CSMD2: variants seen among roughly 807,000 people sequenced by gnomAD.
CSMD2 encodes CUB and sushi domain-containing protein 2.
A neutral mutation model predicts 398.5 loss-of-function variants in CSMD2; 130 were observed. The ratio of observed to expected loss-of-function variants is 0.33; its 90% CI spans 0.28 to 0.38. The LOEUF (loss-of-function observed/expected upper bound fraction) is 0.38. Ranked by LOEUF, CSMD2 falls within the 10% of genes least tolerant of loss-of-function variation. CSMD2 has a pLI of 1.00. For synonymous variants in CSMD2, 1,828 were observed against 1,908.5 expected (o/e 0.96, Z 1.10); for missense variants, 3,829 against 4,764.9 (o/e 0.80, Z 5.78).
intron 5 of CSMD2, among the ~76,000 whole-genome samples, chr1:33,848,276 G>C (rs1397235125): frequency 1.3e-5 from 2 of 152,154 alleles, no homozygotes; most frequent in African/African-American, 4.8e-5. Flanking sequence ...CTCCAAACAG[G>C]GGGCTGCATG....
intron 9 of CSMD2, among the ~76,000 whole-genome samples, chr1:33,817,970 G>C (rs1316965906): frequency 6.6e-6 from 1 of 152,210 alleles, no homozygotes; most frequent in Non-Finnish European, 1.5e-5. Context: ...CTGGAGAAAA[G>C]GATGAACACA....
At chr1:33,650,779 T>C (rs1643715534) in intron 28 of CSMD2, among the ~76,000 whole-genome samples, 1 of 152,180 alleles carries the variant, frequency 6.6e-6, no homozygotes, top group African/African-American at 2.4e-5. Context: ...GACACATGCA[T>C]ATCAAGACCC....
chr1:34,000,625 C>A (rs933804620), intron 3 of CSMD2, among the ~76,000 whole-genome samples: 5 of 152,050 alleles, frequency 3.3e-5, no homozygotes, highest in African/African-American at 9.6e-5. Context: ...AGGGAACTAG[C>A]CAGAGAAGTG....
intron 2 of CSMD2, among the ~76,000 whole-genome samples, chr1:34,039,209 C>G (rs1249411342): frequency 6.6e-6 from 1 of 152,174 alleles, no homozygotes; most frequent in Non-Finnish European, 1.5e-5. Context: ...CTGTGGAGGT[C>G]AGGCCTGGCC....
intron 3 of CSMD2, among the ~76,000 whole-genome samples, chr1:33,993,929 C>T (rs544031851): frequency 6.6e-6 from 1 of 152,162 alleles, no homozygotes; most frequent in Non-Finnish European, 1.5e-5. Context: ...ATAAATCTAG[C>T]CCTTTCTTTC....
chr1:34,038,586 GC>G (rs1313555897), intron 2 of CSMD2, among the ~76,000 whole-genome samples: 1 of 152,104 alleles, frequency 6.6e-6, no homozygotes, highest in Non-Finnish European at 1.5e-5. Context: ...TCTACCCACA[GC>G]CTCCCACTGT....
chr1:33,772,498 TG>T (rs1393192242), intron 13 of CSMD2, 70 bp downstream of exon 13: 10 of 1,476,516 alleles, frequency 6.8e-6, no homozygotes, highest in Non-Finnish European at 9.3e-6. Context: ...ACGGGGCCCC[TG>T]GATTAGCTAG....
chr1:33,929,849 G>A (rs576008208), intron 4 of CSMD2, among the ~76,000 whole-genome samples: 17 of 152,068 alleles, frequency 1.1e-4, no homozygotes, highest in South Asian at 2.1e-4. Flanking sequence ...CAGGAATGCC[G>A]TTTTCCAGGT....
At chr1:33,800,645 C>T (rs1191689638) in intron 10 of CSMD2, among the ~76,000 whole-genome samples, 1 of 152,090 alleles carries the variant, frequency 6.6e-6, no homozygotes, top group Non-Finnish European at 1.5e-5. Flanking sequence ...GGGATGAGGG[C>T]TCAAACCAGG....
At chr1:33,998,382 G>A (rs1218408777) in intron 3 of CSMD2, among the ~76,000 whole-genome samples, 1 of 152,154 alleles carries the variant, frequency 6.6e-6, no homozygotes, top group Admixed American at 6.5e-5. Flanking sequence ...CCCAGTTTCA[G>A]GTACTCTGTT....
At chr1:34,140,323 A>G (rs2148522800) in intron 1 of CSMD2, among the ~76,000 whole-genome samples, 1 of 112,858 alleles carries the variant, frequency 8.9e-6, no homozygotes, top group Admixed American at 1.0e-4. Context: ...CAAACAAAAA[A>G]AAACCCAGCG....
chr1:33,672,686 GA>G (rs1390126838), intron 25 of CSMD2, among the ~76,000 whole-genome samples: 1 of 152,202 alleles, frequency 6.6e-6, no homozygotes, highest in Non-Finnish European at 1.5e-5. Flanking sequence ...CCTGACCCCC[GA>G]GTAGCCTAAC....
At chr1:34,055,132 T>G (rs1263242928) in intron 2 of CSMD2, among the ~76,000 whole-genome samples, 1 of 152,076 alleles carries the variant, frequency 6.6e-6, no homozygotes, top group Non-Finnish European at 1.5e-5. Context: ...CCAGCAGTCA[T>G]CCACTCTCTC....
intron 2 of CSMD2, among the ~76,000 whole-genome samples, chr1:34,076,929 AT>A (rs1365327640): frequency 0.026 from 1,227 of 47,096 alleles, 37 homozygotes; most frequent in African/African-American, 0.067. Context: ...AAAAAAAAAA[AT>A]ATATATATAT....
intron 3 of CSMD2, among the ~76,000 whole-genome samples, chr1:33,944,573 A>G (rs1644783535): frequency 6.6e-6 from 1 of 152,198 alleles, no homozygotes; most frequent in South Asian, 2.1e-4. Context: ...CATTTTACCA[A>G]AGAGAGAGTT....
At position 33,542,840 on chromosome 1, in the gene CSMD2, C is replaced by G; in HGVS notation, c.9157G>C (p.Gly3053Arg). ...ACGATAGAGCTGGAGAAAACCAGGCCATCACTGAACACAACTCGGGCATTA... is the reference window on the plus strand; with the variant it reads ...ACGATAGAGCTGGAGAAAACCAGGCGATCACTGAACACAACTCGGGCATTA... ...PSNARVVFSD[G>R]LVFSSSIVYE... is the part of the protein sequence containing the mutation. Residue 3053 changes from glycine to arginine, a missense_variant, in exon 58 of 71, where the codon GGC becomes CGC. Gly to Arg is a moderately radical substitution (Grantham distance 125). Transcript: ENST00000373381. The G allele has an allele frequency of 6.2e-7, 1 of 1,614,186 alleles. No homozygotes were observed. Among genetic ancestry groups the G allele is most frequent in the Non-Finnish European group, 8.5e-7 (1 of 1,180,028 alleles).
At chr1:34,074,725 GACACAC>G (rs60737142) in intron 2 of CSMD2, among the ~76,000 whole-genome samples, 3 of 151,134 alleles carry the variant, frequency 2.0e-5, no homozygotes, top group Non-Finnish European at 3.0e-5. Context: ...AAATGAAGAA[GACACAC>G]ACACACACAC....
Position 33,533,336 on chromosome 1 carries a change from C to T in CSMD2, c.9992-107G>A. On this transcript the variant is annotated intron_variant, in intron 63 of 70. Coordinates refer to ENST00000373381, the MANE Select transcript of CSMD2 (RefSeq NM_001281956.2). This position sits in a 1 kb window ranked among gnomAD's most constrained non-coding sequence, Gnocchi z 4.2. The stretch of plus-strand genomic sequence containing the variant: ...TAGAATATCCTCTTCCTTTCCCTTC[C>T]AGTCCCTTTCATGCCAAGCATCCCC... The T allele has an allele frequency of 9.8e-7, 1 of 1,018,118 alleles. No individual in the cohort carries two copies. Among genetic ancestry groups the T allele is most frequent in the Non-Finnish European group, 1.4e-6 (1 of 690,116 alleles). 63.1% of individuals were successfully genotyped at this position (1,018,118 alleles called of 1,614,324 possible).
rs1269715778 is a variant in CSMD2 at position 33,567,778 on chromosome 1, G to A, written c.8195C>T (p.Ser2732Phe). ...CCCACAGTGTCCAGCTTTGGTGAGGGATGGGGAAGAGAGTACATCGAAGAG... is the reference window on the plus strand; with the variant it reads ...CCCACAGTGTCCAGCTTTGGTGAGGAATGGGGAAGAGAGTACATCGAAGAG... The part of the protein sequence containing the change: ...KLLFDVLSSP[S>F]LTKAGHCGTP... The change falls in exon 53 of 71, where the codon TCC becomes TTC. Residue 2732 changes from serine (S) to phenylalanine (F), a missense_variant. This residue lies in a region of CSMD2 where 917 missense variants were observed against 1,199.5 expected (regional missense o/e 0.76). Transcript: ENST00000373381. 6.2e-7 allele frequency: 1 copy of A among 1,613,558 alleles called. No homozygotes were observed. Among genetic ancestry groups the A allele is most frequent in the Admixed American group, 1.7e-5 (1 of 59,948 alleles).
Sources: allele counts gnomAD v4.1 joint callset (sites outside exome capture counted in the v4.1 genomes callset), GRCh38; gene constraint gnomAD v4.1.1; regional missense constraint gnomAD v4.1.1; non-coding constraint Gnocchi (gnomAD v3.1); transcripts MANE v1.5; gene names NCBI Gene and HGNC (gene_info 2026-07-23, HGNC 2026-07-21).